The following LMCD1 variants were observed in gnomAD, a reference collection of about 807,000 sequenced individuals.
LMCD1 encodes LIM and cysteine-rich domains protein 1.
In LMCD1, 32 loss-of-function variants were observed where a neutral mutation model predicts 42.7. That is an observed-to-expected ratio of 0.75 (90% CI 0.57 to 1.01). LMCD1 has a LOEUF of 1.01. Among genes scored for constraint, LMCD1 ranks in the 50% least tolerant of loss-of-function variants. The pLI, the probability that LMCD1 is intolerant of heterozygous loss-of-function variation, is 0.00. For missense variants in LMCD1, 458 were observed against 483.1 expected (o/e 0.95, Z 0.49); for synonymous variants, 178 against 184.9 (o/e 0.96, Z 0.30).
intron 3 of LMCD1, among the ~76,000 whole-genome samples, chr3:8,542,397 C>A (rs937679833): frequency 6.6e-6 from 1 of 152,194 alleles, no homozygotes; most frequent in Non-Finnish European, 1.5e-5. Context: ...ATTAGCCCTG[C>A]AGCCACAGAC....
At chr3:8,528,780 C>G (rs1252498643) in intron 1 of LMCD1, among the ~76,000 whole-genome samples, 1 of 152,110 alleles carries the variant, frequency 6.6e-6, no homozygotes, top group African/African-American at 2.4e-5. Context: ...CCCTCTAAGA[C>G]TTCCCTTGGG....
chr3:8,528,039 G>A (rs952740834), intron 1 of LMCD1, among the ~76,000 whole-genome samples: 1 of 152,140 alleles, frequency 6.6e-6, no homozygotes, highest in African/African-American at 2.4e-5. Context: ...TGTCTCTATT[G>A]GACCAAGATC....
chr3:8,540,723 G>A (rs1373102207), intron 3 of LMCD1, among the ~76,000 whole-genome samples: 1 of 152,226 alleles, frequency 6.6e-6, no homozygotes, highest in Non-Finnish European at 1.5e-5. Context: ...AGGAAAGAGG[G>A]AGAAGACAAA....
chr3:8,524,436 G>A (rs1024560308), intron 1 of LMCD1, among the ~76,000 whole-genome samples: 2 of 152,108 alleles, frequency 1.3e-5, no homozygotes, highest in African/African-American at 4.8e-5. Context: ...GAAGGGTTGT[G>A]GTTTCCCTTC....
At chr3:8,556,708 A>T (rs1694938067) in intron 4 of LMCD1, among the ~76,000 whole-genome samples, 1 of 152,212 alleles carries the variant, frequency 6.6e-6, no homozygotes, top group Non-Finnish European at 1.5e-5. Flanking sequence ...ACCAAGCAGC[A>T]TCCTTTTGCA....
intron 3 of LMCD1, among the ~76,000 whole-genome samples, chr3:8,543,046 T>A (rs547844468): frequency 4.6e-5 from 7 of 152,318 alleles, no homozygotes; most frequent in Admixed American, 1.3e-4. Flanking sequence ...TTGGTGTTAG[T>A]AAGATGCTAG....
At chr3:8,566,535 G>C (rs1401406501) in intron 5 of LMCD1, among the ~76,000 whole-genome samples, 1 of 152,168 alleles carries the variant, frequency 6.6e-6, no homozygotes, top group African/African-American at 2.4e-5. Context: ...GCCTGCCCTG[G>C]AGCCTCATTT....
intron 4 of LMCD1, among the ~76,000 whole-genome samples, chr3:8,564,236 T>G (rs1329770908): frequency 3.9e-5 from 6 of 152,172 alleles, no homozygotes; most frequent in Non-Finnish European, 7.3e-5. Context: ...TTTTTGCAAT[T>G]TTTCTGTAAC....
At chr3:8,515,662 G>A (rs556998811) in intron 1 of LMCD1, among the ~76,000 whole-genome samples, 1 of 152,332 alleles carries the variant, frequency 6.6e-6, no homozygotes, top group South Asian at 2.1e-4. Context: ...AGAAAAGGGA[G>A]TGGGATGGAA....
chr3:8,566,397 T>G (rs1574978492), intron 5 of LMCD1, among the ~76,000 whole-genome samples: 1 of 152,236 alleles, frequency 6.6e-6, no homozygotes, highest in Admixed American at 6.5e-5. Flanking sequence ...GTCTTCTTTA[T>G]ATTGAACCAA....
intron 1 of LMCD1, among the ~76,000 whole-genome samples, chr3:8,525,850 A>G (rs1574954550): frequency 6.6e-6 from 1 of 152,154 alleles, no homozygotes; most frequent in African/African-American, 2.4e-5. Flanking sequence ...CCTGTAATCA[A>G]CCCCCAGAGA....
At chr3:8,557,408 T>G (rs1160298647) in intron 4 of LMCD1, among the ~76,000 whole-genome samples, 1 of 152,230 alleles carries the variant, frequency 6.6e-6, no homozygotes, top group East Asian at 1.9e-4. Context: ...ATTTACTGTA[T>G]TGTAGTAGTG....
At chr3:8,566,867 G>A (rs772875340) in intron 5 of LMCD1, among the ~76,000 whole-genome samples, 19 of 152,172 alleles carry the variant, frequency 1.2e-4, no homozygotes, top group Non-Finnish European at 2.5e-4. Flanking sequence ...GGAAGCTGAG[G>A]CACAGGGGGA....
intron 4 of LMCD1, chr3:8,550,622 T>C: frequency 4.1e-6 from 4 of 985,222 alleles, no homozygotes; most frequent in Non-Finnish European, 3.6e-6. Flanking sequence ...TACTACAGAT[T>C]TGGCAGTGAC....
intron 4 of LMCD1, among the ~76,000 whole-genome samples, chr3:8,562,748 T>C (rs1045235561): frequency 1.3e-5 from 2 of 152,154 alleles, no homozygotes; most frequent in Non-Finnish European, 2.9e-5. Context: ...TCCATGATTA[T>C]CTCATCTGTT....
chr3:8,539,619 A>G (rs1694579348), intron 3 of LMCD1, among the ~76,000 whole-genome samples: 1 of 152,044 alleles, frequency 6.6e-6, no homozygotes, highest in African/African-American at 2.4e-5. Context: ...TGAAAACCCC[A>G]AACACATTGA....
chr3:8,536,965 T>C (rs1403769176), intron 2 of LMCD1, among the ~76,000 whole-genome samples: 1 of 152,214 alleles, frequency 6.6e-6, no homozygotes, highest in African/African-American at 2.4e-5. Flanking sequence ...ACAAGTTATA[T>C]CCTACATTCC....
chr3:8,509,603 T>C (rs1428280526), intron 1 of LMCD1, among the ~76,000 whole-genome samples: 2 of 152,244 alleles, frequency 1.3e-5, no homozygotes. Flanking sequence ...GTAGAATTTA[T>C]TTTTCATAAG....
chr3:8,567,442 A>G lies in LMCD1; in HGVS notation c.942A>G (p.Ile314Met), dbSNP rs1287358347. Reference protein sequence around the residue: ...LRPRCSGCDEIIFAEDYQRVE... With the variant: ...LRPRCSGCDEMIFAEDYQRVE... Reference sequence around the variant, plus strand: ...ATTTCTCCTGCTCCCCTCCCCAGATAATATTCGCTGAGGACTACCAGCGTG... The same window carrying G: ...ATTTCTCCTGCTCCCCTCCCCAGATGATATTCGCTGAGGACTACCAGCGTG... Residue 314 changes from isoleucine (I) to methionine (M), a missense_variant and splice_region_variant, in exon 6 of 6, where the codon ATA becomes ATG. Transcript: ENST00000157600. The G allele has an allele frequency of 1.2e-6, 2 of 1,613,542 alleles. No individual in the cohort carries two copies. Among genetic ancestry groups the G allele is most frequent in the Non-Finnish European group, 1.7e-6 (2 of 1,179,778 alleles).
Sources: allele counts gnomAD v4.1 joint callset (sites outside exome capture counted in the v4.1 genomes callset), GRCh38; gene constraint gnomAD v4.1.1; transcripts MANE v1.5; gene names NCBI Gene and HGNC (gene_info 2026-07-23, HGNC 2026-07-21).